The following NUP93 variants were observed in gnomAD, a reference collection of about 807,000 sequenced individuals.
NUP93 encodes nucleoporin 93.
NUP93 carries 55 observed loss-of-function variants against 107.8 expected under a neutral mutation model. The observed-to-expected ratio is 0.51, with a 90% confidence interval of 0.41 to 0.64. The LOEUF (loss-of-function observed/expected upper bound fraction) is 0.64, where lower values mean the gene tolerates loss of function less well. Ranked by LOEUF, NUP93 falls within the 30% of genes least tolerant of loss-of-function variation. The probability of loss-of-function intolerance (pLI) is 0.00; values close to 1 mark genes in which losing one functional copy is unlikely to be tolerated. For missense variants in NUP93, 937 were observed against 1,044.7 expected, an observed-to-expected ratio of 0.90 and a Z score of 1.42; for synonymous variants, 390 against 397.5, an observed-to-expected ratio of 0.98 and a Z score of 0.22.
At chr16:56,794,954 A>G (rs1434400333) in intron 3 of NUP93, among the ~76,000 whole-genome samples, 1 of 112,374 alleles carries the variant, frequency 8.9e-6, no homozygotes, top group African/African-American at 3.6e-5. Flanking sequence ...AAAAAAAAAA[A>G]AAAAAGAATT....
At position 56,833,291 on chromosome 16, in the gene NUP93, A is replaced by G; in HGVS notation, c.1422A>G (p.Ala474=). 1 of 1,607,290 alleles carries G rather than the reference A, an allele frequency of 6.2e-7. No homozygotes were observed. The highest frequency in any genetic ancestry group is 8.5e-7 in the Non-Finnish European group (1 of 1,177,862). ...TGTTCCTGACAGCGCAGTTTGAAGC[A>G]GCAGTTGCCTTTCTTTTCCGCATGG... The part of the protein sequence containing the change: ...QVLFLTAQFE[A]AVAFLFRMER... Residue 474 remains alanine (A), a synonymous_variant, in exon 13 of 22, where the codon GCA becomes GCG. Coordinates refer to ENST00000308159, the MANE Select transcript of NUP93 (RefSeq NM_014669.5).
rs554526589 is a variant in NUP93 at position 56,788,595 on chromosome 16, C to T, written c.298-9881C>T. 7.2e-5 allele frequency among the ~76,000 whole-genome samples: 11 copies of T among 152,302 alleles called. No homozygotes were observed. The South Asian group carries it at 2.3e-3, about 32-fold the overall frequency. On this transcript the variant is annotated intron_variant, in intron 3 of 21. Coordinates refer to ENST00000308159, the MANE Select transcript of NUP93 (RefSeq NM_014669.5). ...GTAACTGAGCCGGAAGGACTGCTTC[C>T]TGGGATGACCAGAGAGAGAAGTGCA...
rs2144458252 is a variant in NUP93 at position 56,748,394 on chromosome 16, A to T, written c.147A>T (p.Thr49=). ...AGCGCCTGCGTTCCCGTACCCTAACACGCACGTCCCAGGAGACGGCAGATG... is the reference window on the plus strand; with the variant it reads ...AGCGCCTGCGTTCCCGTACCCTAACTCGCACGTCCCAGGAGACGGCAGATG... The part of the protein sequence containing the change: ...AGERLRSRTL[T]RTSQETADVK... The change falls in exon 2 of 22, where the codon ACA becomes ACT. Residue 49 remains threonine (T), a synonymous_variant. Coordinates refer to ENST00000308159, the MANE Select transcript of NUP93 (RefSeq NM_014669.5). The T allele has an allele frequency of 6.2e-7, 1 of 1,613,848 alleles. No individual in the cohort carries two copies.
In NUP93 at chr16:56,836,590, T is replaced by C. The variant is rs760617724; in HGVS notation, c.1783-11T>C. ...TCTCTCTTCCTCCCCCTCCATAATT[T>C]GTCTTGTCAGCCTGGAGTCATAGAT... On this transcript the variant is annotated splice_polypyrimidine_tract_variant and intron_variant, in intron 16 of 21. Transcript: ENST00000308159. The C allele has an allele frequency of 3.3e-6, 5 of 1,527,802 alleles. No homozygotes were observed. The Admixed American group carries it at 6.7e-5, about 21-fold the overall frequency. The allele number at this position is 1,527,802 out of a possible 1,614,324, so 94.6% of individuals were successfully genotyped here.
chr16:56,780,672 G>C (rs1482974880), intron 3 of NUP93, among the ~76,000 whole-genome samples: 2 of 152,162 alleles, frequency 1.3e-5, no homozygotes, highest in Non-Finnish European at 1.5e-5. Flanking sequence ...AGAACCGTCA[G>C]TAGTCAAATT....
At chr16:56,771,503 G>A (rs749566514) in intron 3 of NUP93, among the ~76,000 whole-genome samples, 4 of 152,142 alleles carry the variant, frequency 2.6e-5, no homozygotes, top group South Asian at 2.1e-4. Flanking sequence ...ACCACTGGTC[G>A]AATTTCTTAA....
chr16:56,812,183 T>A (rs1963329854), intron 5 of NUP93, among the ~76,000 whole-genome samples: 4 of 152,194 alleles, frequency 2.6e-5, no homozygotes, highest in Admixed American at 2.6e-4. Flanking sequence ...TAATTTAATA[T>A]AAAGAGAGGC....
intron 6 of NUP93, among the ~76,000 whole-genome samples, chr16:56,818,972 C>A (rs1462458501): frequency 2.0e-5 from 3 of 152,218 alleles, no homozygotes; most frequent in African/African-American, 7.2e-5. Context: ...CTGACCATGG[C>A]ATCTCAGTAT....
In NUP93 at chr16:56,831,986, T is replaced by C. The variant is rs755067580; in HGVS notation, c.1230T>C (p.Thr410=). The change falls in exon 11 of 22, where the codon ACT becomes ACC. Residue 410 remains threonine (T), a synonymous_variant. Transcript: ENST00000308159. Reference sequence around the variant, plus strand: ...ACCAGAGTGAAGTGGCGGACAAAACTGAGGATTACCTGTGGCTGAAGGTAG... The same window carrying C: ...ACCAGAGTGAAGTGGCGGACAAAACCGAGGATTACCTGTGGCTGAAGGTAG... The part of the protein sequence containing the change: ...TDNQSEVADK[T]EDYLWLKLNQ... The C allele has an allele frequency of 2.5e-6, 4 of 1,613,922 alleles. No individual in the cohort carries two copies. The highest frequency in any genetic ancestry group is 3.4e-6 in the Non-Finnish European group (4 of 1,180,002).
chr16:56,739,940 CG>C (rs1384230943), intron 1 of NUP93, among the ~76,000 whole-genome samples: 22 of 101,946 alleles, frequency 2.2e-4, no homozygotes, highest in African/African-American at 8.9e-4. Flanking sequence ...GCTGGCCGGG[CG>C]GGGGGCCGAC....
intron 4 of NUP93, among the ~76,000 whole-genome samples, chr16:56,802,373 A>G (rs1963040710): frequency 6.8e-6 from 1 of 146,364 alleles, no homozygotes; most frequent in Non-Finnish European, 1.5e-5. Context: ...TCATGTTTAA[A>G]GTTTACAGAT....
At chr16:56,774,071 C>T (rs1207056347) in intron 3 of NUP93, among the ~76,000 whole-genome samples, 6 of 151,976 alleles carry the variant, frequency 3.9e-5, no homozygotes, top group African/African-American at 1.5e-4. Context: ...AAATATACTA[C>T]CTAAAAAGTA....
At chr16:56,772,599 T>TA (rs1962342041) in intron 3 of NUP93, among the ~76,000 whole-genome samples, 2 of 152,364 alleles carry the variant, frequency 1.3e-5, no homozygotes, top group South Asian at 4.1e-4. Context: ...TGTGGAAGCC[T>TA]AGCCTTGCTG....
At position 56,830,552 on chromosome 16, in the gene NUP93, G is replaced by A; in HGVS notation, c.952G>A (p.Val318Met). The change falls in exon 10 of 22, where the codon GTG becomes ATG. Residue 318 changes from valine (V) to methionine (M), a missense_variant. Val to Met is a conservative substitution (Grantham distance 21). Coordinates refer to ENST00000308159, the MANE Select transcript of NUP93 (RefSeq NM_014669.5). Reference protein sequence around the residue: ...LQDGEVEGHPVWALIYYCMRC... With the variant: ...LQDGEVEGHPMWALIYYCMRC... Reference sequence around the variant, plus strand: ...GGATGGAGAGGTGGAAGGCCATCCTGTGTGGGCGCTAATTTACTACTGCAT... The same window carrying A: ...GGATGGAGAGGTGGAAGGCCATCCTATGTGGGCGCTAATTTACTACTGCAT... The A allele has an allele frequency of 6.3e-7, 1 of 1,594,874 alleles. No homozygotes were observed. Among genetic ancestry groups the A allele is most frequent in the South Asian group, 1.1e-5 (1 of 90,000 alleles).
intron 21 of NUP93, chr16:56,842,753 A>G: frequency 2.8e-6 from 1 of 361,430 alleles, no homozygotes; most frequent in Non-Finnish European, 5.5e-6. Flanking sequence ...GAATTTTACC[A>G]TGTTGCCCAG....
rs1001506001 is a variant in NUP93 at position 56,781,070 on chromosome 16, A to G, written c.298-17406A>G. ...CAGGTTATATGTTAAAACGTGGAGG[A>G]AAAAAATCCCTTCCTGAGGAGCACT... On this transcript the variant is annotated intron_variant, in intron 3 of 21. Coordinates refer to ENST00000308159, the MANE Select transcript of NUP93 (RefSeq NM_014669.5). Among the ~76,000 whole-genome samples, 3 of 152,168 alleles carry G rather than the reference A, an allele frequency of 2.0e-5. No individual in the cohort carries two copies. In the East Asian group the frequency reaches 5.8e-4, roughly 29 times the overall value.
At chr16:56,792,745 T>C (rs574946712) in intron 3 of NUP93, among the ~76,000 whole-genome samples, 20 of 152,364 alleles carry the variant, frequency 1.3e-4, no homozygotes, top group Admixed American at 7.8e-4. Flanking sequence ...GCCTCAACTT[T>C]ATTGTTTGTA....
chr16:56,841,465 A>G (rs747277316), intron 20 of NUP93, among the ~76,000 whole-genome samples: 1 of 152,248 alleles, frequency 6.6e-6, no homozygotes, highest in Non-Finnish European at 1.5e-5. Context: ...ACTAAGGGAA[A>G]AACAGCATAA....
intron 1 of NUP93, among the ~76,000 whole-genome samples, chr16:56,732,721 C>G (rs1411086196): frequency 6.6e-6 from 1 of 152,080 alleles, no homozygotes; most frequent in Admixed American, 6.5e-5. Flanking sequence ...GGTGAGAGGG[C>G]CCACTCCTCA....
Sources: allele counts gnomAD v4.1 joint callset (sites outside exome capture counted in the v4.1 genomes callset), GRCh38; gene constraint gnomAD v4.1.1; transcripts MANE v1.5; gene names NCBI Gene and HGNC (gene_info 2026-07-23, HGNC 2026-07-21).